Variants in GRIK4 observed in about 807,000 individuals in gnomAD.
GRIK4 encodes the protein glutamate receptor ionotropic, kainate 4.
A neutral mutation model predicts 104.9 loss-of-function variants in GRIK4; 40 were observed. The observed-to-expected ratio is 0.38, with a 90% CI of 0.30 to 0.50. The LOEUF (loss-of-function observed/expected upper bound fraction) is 0.50, where lower values mean the gene tolerates loss of function less well. Among genes scored for constraint, GRIK4 ranks in the 20% least tolerant of loss-of-function variants. The probability of loss-of-function intolerance (pLI) is 0.93; values close to 1 mark genes in which losing one functional copy is unlikely to be tolerated. For missense variants in GRIK4, 1,047 were observed against 1,308.1 expected (o/e 0.80, Z 3.08); for synonymous variants, 485 against 524.9 (o/e 0.92, Z 1.04).
At chr11:120,691,444 CA>C (rs1184713733) in intron 3 of GRIK4, among the ~76,000 whole-genome samples, 2 of 152,190 alleles carry the variant, frequency 1.3e-5, no homozygotes, top group Non-Finnish European at 2.9e-5. Flanking sequence ...ATTATTGCCC[CA>C]TCTTTGCAGT....
intron 19 of GRIK4, among the ~76,000 whole-genome samples, chr11:120,978,040 T>A (rs893103779): frequency 6.6e-6 from 1 of 152,226 alleles, no homozygotes; most frequent in Non-Finnish European, 1.5e-5. Flanking sequence ...TAAAAAGGAA[T>A]ACATATGGGT....
At chr11:120,752,684 C>T (rs922387806) in intron 3 of GRIK4, among the ~76,000 whole-genome samples, 10 of 152,210 alleles carry the variant, frequency 6.6e-5, no homozygotes, top group African/African-American at 2.4e-4. Context: ...GAGGAGGGAG[C>T]ACACAGCTTT....
Position 120,905,539 on chromosome 11 carries a change from G to GGGGGGGTTGGC in GRIK4, c.1476+46_1476+47insGGGGGGTTGGC. On this transcript the variant is annotated intron_variant, in intron 13 of 20. Transcript: ENST00000527524. The surrounding 1 kb of genome is among the most constrained non-coding windows in gnomAD (Gnocchi z 5.1). The stretch of plus-strand genomic sequence containing the variant: ...CTGGGCCTGAGGGTGGGCTGGGAGG[G>GGGGGGGTTGGC]ATTGGAAGAGCATGAGGTTGTGCTG... The GGGGGGGTTGGC allele has an allele frequency of 2.0e-6, 1 of 503,048 alleles. No homozygotes were observed. Among genetic ancestry groups the GGGGGGGTTGGC allele is most frequent in the East Asian group, 5.7e-5 (1 of 17,672 alleles). The allele number at this position is 503,048 out of a possible 1,614,324, so 31.2% of individuals were successfully genotyped here.
chr11:120,929,329 C>T (rs942867766), intron 13 of GRIK4, among the ~76,000 whole-genome samples: 6 of 152,070 alleles, frequency 3.9e-5, no homozygotes, highest in Non-Finnish European at 5.9e-5. Flanking sequence ...AAGGGATGAG[C>T]CCTGCGGATG....
chr11:120,687,373 G>A (rs1371547209), intron 3 of GRIK4, among the ~76,000 whole-genome samples: 3 of 152,154 alleles, frequency 2.0e-5, no homozygotes, highest in Non-Finnish European at 4.4e-5. Context: ...GAATTTCCAA[G>A]TGATTGTTTT....
intron 20 of GRIK4, among the ~76,000 whole-genome samples, chr11:120,982,631 A>G: frequency 6.6e-6 from 1 of 152,216 alleles, no homozygotes; most frequent in East Asian, 1.9e-4. Flanking sequence ...CAGGGTTAAC[A>G]TAAACTTTAC....
intron 3 of GRIK4, among the ~76,000 whole-genome samples, chr11:120,745,397 G>A (rs936373671): frequency 6.6e-6 from 1 of 152,128 alleles, no homozygotes; most frequent in Non-Finnish European, 1.5e-5. Context: ...CCATTACACT[G>A]TATCGTGAAC....
chr11:120,617,032 T>C, intron 1 of GRIK4, among the ~76,000 whole-genome samples: 1 of 152,150 alleles, frequency 6.6e-6, no homozygotes, highest in East Asian at 1.9e-4. Context: ...AAAGTTCACT[T>C]AGGACAGGGG....
intron 7 of GRIK4, among the ~76,000 whole-genome samples, chr11:120,833,184 C>G (rs1009888165): frequency 1.3e-5 from 2 of 152,028 alleles, no homozygotes; most frequent in African/African-American, 4.8e-5. Flanking sequence ...TCCCTTCAGC[C>G]CGTTGCTATA....
intron 3 of GRIK4, among the ~76,000 whole-genome samples, chr11:120,721,825 A>G (rs1950938378): frequency 6.6e-6 from 1 of 152,210 alleles, no homozygotes; most frequent in African/African-American, 2.4e-5. Context: ...CTCCCGGGTC[A>G]GCAAGACCCC....
chr11:120,743,528 G>T (rs1029982838), intron 3 of GRIK4, among the ~76,000 whole-genome samples: 5 of 152,156 alleles, frequency 3.3e-5, no homozygotes, highest in African/African-American at 1.2e-4. Context: ...CCTGTTATGT[G>T]AGTTTACTTA....
chr11:120,931,773 A>G (rs1411345082), intron 13 of GRIK4, among the ~76,000 whole-genome samples: 4 of 152,218 alleles, frequency 2.6e-5, no homozygotes, highest in Admixed American at 6.5e-5. Context: ...TGATATTACA[A>G]GTCCAATACT....
At chr11:120,834,364 C>T (rs907530570) in intron 7 of GRIK4, among the ~76,000 whole-genome samples, 4 of 151,902 alleles carry the variant, frequency 2.6e-5, no homozygotes, top group South Asian at 4.2e-4. Context: ...TGGTTCTGCT[C>T]GATGCCTCAG....
chr11:120,693,292 A>T (rs987671421), intron 3 of GRIK4, among the ~76,000 whole-genome samples: 2 of 151,364 alleles, frequency 1.3e-5, no homozygotes, highest in Admixed American at 6.6e-5. Context: ...TTTAGTAGAG[A>T]TAGGGTTTCA....
intron 18 of GRIK4, among the ~76,000 whole-genome samples, chr11:120,964,053 C>T (rs944090208): frequency 2.0e-5 from 3 of 151,058 alleles, no homozygotes; most frequent in Non-Finnish European, 4.4e-5. Flanking sequence ...AGTGCAGTGG[C>T]ACTATCTAGG....
chr11:120,924,692 G>C (rs1943303478), intron 13 of GRIK4, among the ~76,000 whole-genome samples: 1 of 151,988 alleles, frequency 6.6e-6, no homozygotes, highest in African/African-American at 2.4e-5. Context: ...CTCTAAATAG[G>C]TTACTGCCAA....
chr11:120,694,312 G>T (rs1265371414), intron 3 of GRIK4, among the ~76,000 whole-genome samples: 1 of 152,190 alleles, frequency 6.6e-6, no homozygotes, highest in Non-Finnish European at 1.5e-5. Context: ...TTCATATCCT[G>T]CGACCTAAGA....
At chr11:120,901,368 C>T (rs933005545) in intron 12 of GRIK4, among the ~76,000 whole-genome samples, 2 of 152,110 alleles carry the variant, frequency 1.3e-5, no homozygotes, top group African/African-American at 4.8e-5. Flanking sequence ...CATGCTGTTC[C>T]TTATGCCTGG....
intron 12 of GRIK4, among the ~76,000 whole-genome samples, chr11:120,904,561 C>T (rs899181717): frequency 6.6e-6 from 1 of 152,216 alleles, no homozygotes; most frequent in East Asian, 1.9e-4. Context: ...ATGCTTCCCC[C>T]CTATACCTTG....
Sources: gnomAD v4.1 joint callset for allele counts (sites outside exome capture counted in the v4.1 genomes callset) on GRCh38, gnomAD v4.1.1 for gene constraint, Gnocchi (gnomAD v3.1) non-coding constraint, MANE v1.5 for transcripts, NCBI Gene and HGNC (gene_info 2026-07-23, HGNC 2026-07-21) for gene names.